H1-8: variants seen among roughly 807,000 people sequenced by gnomAD.
The protein encoded by H1-8 is H1.8 linker histone, also known as histone H1.8.
Under a neutral mutation model 19.5 loss-of-function variants are expected in H1-8, and 13 were observed. That is an observed-to-expected ratio of 0.67 (90% CI 0.43 to 1.06). The LOEUF is 1.06. Ranked by LOEUF, H1-8 falls within the 50% of genes least tolerant of loss-of-function variation. The pLI is 0.00. For synonymous variants in H1-8, 193 were observed against 187.6 expected (o/e 1.03, Z -0.24); for missense variants, 432 against 459.8 (o/e 0.94, Z 0.55).
chr3:129,549,237 G>C lies in H1-8; in HGVS notation c.615G>C (p.Lys205Asn). Residue 205 changes from lysine (K) to asparagine (N), a missense_variant, in exon 3 of 5, where the codon AAG becomes AAC. Physicochemically the swap from Lys to Asn is moderately conservative, Grantham distance 94. Coordinates refer to ENST00000324382, the MANE Select transcript of H1-8 (RefSeq NM_153833.3). ...EKARKQGGAAKDTRAQSGEAR... is the reference protein window; with the variant it reads ...EKARKQGGAANDTRAQSGEAR... ...CTCGCAAGCAAGGCGGCGCGGCCAA[G>C]GACACCAGGGCACAGTCGGGAGAGG... The C allele has an allele frequency of 2.5e-6, 4 of 1,588,502 alleles. No homozygotes were observed. Among genetic ancestry groups the C allele is most frequent in the Non-Finnish European group, 3.4e-6 (4 of 1,168,274 alleles).
chr3:129,551,013 C>CT, intron 4 of H1-8, 94 bp from the exon 5 acceptor site: 1 of 1,177,104 alleles, frequency 8.5e-7, no homozygotes, highest in Non-Finnish European at 1.2e-6. Context: ...GAGACTAAGG[C>CT]TTAGAAGGGC....
At chr3:129,543,448 C>T (rs2084866525) in intron 1 of H1-8, 142 bp downstream of exon 1, 1 of 617,944 alleles carries the variant, frequency 1.6e-6, no homozygotes, top group Non-Finnish European at 2.9e-6. Flanking sequence ...ACCCAGCACT[C>T]ACCCAGCACC....
rs949534676 is a variant in H1-8, at chr3:129,551,115, T to C, written c.816T>C (p.Asn272=). The change falls in exon 5 of 5, where the codon AAT becomes AAC. Residue 272 remains asparagine (N), a synonymous_variant. Coordinates refer to ENST00000324382, the MANE Select transcript of H1-8 (RefSeq NM_153833.3). ...SSKPTASKVK[N]GAASPTKKKV... is the part of the protein sequence containing the mutation. ...GGTTTGCTTTCGTATAGGTCAAGAATGGTGCTGCTTCCCCGACCAAAAAGA... is the reference window on the plus strand; with the variant it reads ...GGTTTGCTTTCGTATAGGTCAAGAACGGTGCTGCTTCCCCGACCAAAAAGA... The C allele has an allele frequency of 1.2e-6, 2 of 1,613,240 alleles. No individual in the cohort carries two copies. Among genetic ancestry groups the C allele is most frequent in the Non-Finnish European group, 1.7e-6 (2 of 1,179,852 alleles).
At chr3:129,546,142 A>ATAATAC (rs1202415966) in intron 1 of H1-8, among the ~76,000 whole-genome samples, 3 of 148,174 alleles carry the variant, frequency 2.0e-5, no homozygotes, top group Non-Finnish European at 3.0e-5. Flanking sequence ...AATAATAATA[A>ATAATAC]TAATAATAAT....
chr3:129,547,602 G>C lies in H1-8; in HGVS notation c.300G>C (p.Ala100=). ...VLRFKYLLKQ[A]LATGMRRGLL... is the part of the protein sequence containing the mutation. ...GCTTCAAGTACCTGCTGAAGCAGGC[G>C]CTGGCCACTGGCATGCGCCGTGGCC... The change falls in exon 2 of 5, where the codon GCG becomes GCC. Residue 100 remains alanine (A), a synonymous_variant. Transcript: ENST00000324382. The C allele has an allele frequency of 6.4e-7, 1 of 1,554,246 alleles. No homozygotes were observed. Among genetic ancestry groups the C allele is most frequent in the Non-Finnish European group, 8.7e-7 (1 of 1,149,532 alleles).
At chr3:129,545,946 T>C (rs560073755) in intron 1 of H1-8, among the ~76,000 whole-genome samples, 1 of 152,222 alleles carries the variant, frequency 6.6e-6, no homozygotes, top group Admixed American at 6.5e-5. Context: ...CTCAGGTATA[T>C]ACCGAAGAGT....
At chr3:129,547,226 C>G (rs1045928017) in intron 1 of H1-8, among the ~76,000 whole-genome samples, 165 bp from the exon 2 acceptor site, 2 of 152,116 alleles carry the variant, frequency 1.3e-5, no homozygotes, top group African/African-American at 4.8e-5. Flanking sequence ...ACTCAGTGAG[C>G]CTTGAGGGGA....
At position 129,548,222 on chromosome 3, in the gene H1-8, A is replaced by T. The variant is rs2084904724; in HGVS notation, c.378+542A>T. 14 of 565,414 alleles carry T rather than the reference A, an allele frequency of 2.5e-5. No individual in the cohort carries two copies. The Admixed American group carries it at 5.1e-4, about 21-fold the overall frequency. 35.0% of individuals were successfully genotyped at this position (565,414 alleles called of 1,614,324 possible). The stretch of plus-strand genomic sequence containing the variant: ...GACTTGTCATTGCTGGGTCCCCTGC[A>T]TCTTGCCTAACTTCCTGCATGTAGC... On this transcript the variant is annotated intron_variant, in intron 2 of 4. Coordinates refer to ENST00000324382, the MANE Select transcript of H1-8 (RefSeq NM_153833.3).
chr3:129,551,273 C>G lies in H1-8; in HGVS notation c.974C>G (p.Pro325Arg). 2.5e-6 allele frequency: 4 copies of G among 1,614,094 alleles called. No individual in the cohort carries two copies. The highest frequency in any genetic ancestry group is 3.4e-6 in the Non-Finnish European group (4 of 1,180,036). ...AGGAAGACAGAGGCCCCCAAGGGCC[C>G]TAGAAAGGCTGGGCTGCCCATCAAG... Reference protein sequence around the residue: ...LSRKTEAPKGPRKAGLPIKAS... With the variant: ...LSRKTEAPKGRRKAGLPIKAS... The change falls in exon 5 of 5, where the codon CCT (proline) becomes CGT (arginine). Residue 325 changes from proline to arginine, a missense_variant. Transcript: ENST00000324382.
rs374505410 is a variant in H1-8, at chr3:129,547,570, G to A, written c.268G>A (p.Val90Ile). The A allele has an allele frequency of 1.0e-5, 16 of 1,569,046 alleles. No individual in the cohort carries two copies. The Middle Eastern group carries it at 5.0e-4, about 49-fold the overall frequency. Residue 90 changes from valine (V) to isoleucine (I), a missense_variant, in exon 2 of 5, where the codon GTC becomes ATC. Val to Ile is a conservative substitution (Grantham distance 29). Transcript: ENST00000324382. Reference sequence around the variant, plus strand: ...CCTGCACAAGTACCCAACAGTGGACGTCCTCCGCTTCAAGTACCTGCTGAA... The same window carrying A: ...CCTGCACAAGTACCCAACAGTGGACATCCTCCGCTTCAAGTACCTGCTGAA... ...YILHKYPTVD[V>I]LRFKYLLKQA...
intron 2 of H1-8, among the ~76,000 whole-genome samples, chr3:129,548,723 G>A (rs2084908980): frequency 6.6e-6 from 1 of 150,416 alleles, no homozygotes; most frequent in African/African-American, 2.4e-5. Flanking sequence ...GGGGCATGAG[G>A]CAGGGCAGCG....
rs60616647 is a variant in H1-8 at position 129,549,072 on chromosome 3, T to C, written c.450T>C (p.Gly150=). 16,450 of 1,611,142 alleles carry C rather than the reference T, an allele frequency of 0.01. 1,405 individuals carry two copies. In the African/African-American group the frequency reaches 0.19, roughly 19 times the overall value. ...MAPATAPRRA[G]EAKGKGPKKP... ...CCGCGACGGCTCCCAGGAGAGCGGG[T>C]GAGGCCAAGGGGAAGGGCCCCAAGA... The change falls in exon 3 of 5, where the codon GGT becomes GGC. Residue 150 remains glycine, a synonymous_variant. Coordinates refer to ENST00000324382, the MANE Select transcript of H1-8 (RefSeq NM_153833.3).
chr3:129,547,087 C>T (rs2084894070), intron 1 of H1-8, among the ~76,000 whole-genome samples: 1 of 152,146 alleles, frequency 6.6e-6, no homozygotes, highest in South Asian at 2.1e-4. Context: ...ATCCCAGCTA[C>T]TTGGGAGGCT....
rs2108755151 is a variant in H1-8 at position 129,547,660 on chromosome 3, G to A, written c.358G>A (p.Gly120Arg). 2 of 1,544,028 alleles carry A rather than the reference G, an allele frequency of 1.3e-6. No individual in the cohort carries two copies. Among genetic ancestry groups the A allele is most frequent in the African/African-American group, 1.4e-5 (1 of 72,962 alleles). The change falls in exon 2 of 5, where the codon GGG (glycine) becomes AGG (arginine). Residue 120 changes from glycine to arginine, a missense_variant. By Grantham distance (125) the Gly-to-Arg change is moderately radical. Coordinates refer to ENST00000324382, the MANE Select transcript of H1-8 (RefSeq NM_153833.3). ...CAGGCCCCTCAACTCCAAAGCCAGG[G>A]GGGCCACTGGCAGCTTCAAAGTAAG... The part of the protein sequence containing the change: ...LARPLNSKAR[G>R]ATGSFKLVPK...
chr3:129,547,875 C>T (rs1173672256), intron 2 of H1-8, among the ~76,000 whole-genome samples, 195 bp downstream of exon 2: 1 of 152,316 alleles, frequency 6.6e-6, no homozygotes, highest in East Asian at 1.9e-4. Context: ...GCAAGAGTCA[C>T]CCTGTTGGTG....
At chr3:129,543,447 T>TCACCAAGCACC in intron 1 of H1-8, 141 bp downstream of exon 1, 1 of 641,402 alleles carries the variant, frequency 1.6e-6, no homozygotes, top group Non-Finnish European at 2.8e-6. Flanking sequence ...CACCCAGCAC[T>TCACCAAGCACC]CACCCAGCAC....
At chr3:129,549,715 A>T (rs2084919894) in intron 3 of H1-8, among the ~76,000 whole-genome samples, 1 of 152,034 alleles carries the variant, frequency 6.6e-6, no homozygotes, top group Non-Finnish European at 1.5e-5. Flanking sequence ...ACACTTTGGG[A>T]GGCCAAGGCG....
chr3:129,550,643 C>T (rs762617445), intron 3 of H1-8, 102 bp from the exon 4 acceptor site: 1 of 933,808 alleles, frequency 1.1e-6, no homozygotes, highest in African/African-American at 1.6e-5. Context: ...GAGTGAAGAC[C>T]TAGGACCCAG....
intron 3 of H1-8, among the ~76,000 whole-genome samples, chr3:129,549,728 C>G (rs1043776211): frequency 1.3e-5 from 2 of 151,820 alleles, no homozygotes; most frequent in Admixed American, 6.6e-5. Context: ...CCAAGGCGGG[C>G]GGATCCCTTG....
Sources: gnomAD v4.1 joint callset for allele counts (sites outside exome capture counted in the v4.1 genomes callset) on GRCh38, gnomAD v4.1.1 for gene constraint, MANE v1.5 for transcripts, NCBI Gene and HGNC (gene_info 2026-07-23, HGNC 2026-07-21) for gene names.